Variants in GSE1 observed in about 807,000 individuals in gnomAD.
GSE1 encodes genetic suppressor element 1.
GSE1 carries 32 observed loss-of-function variants against 112.6 expected under a neutral mutation model. That is an observed-to-expected ratio of 0.28 (90% CI 0.21 to 0.38). The LOEUF (loss-of-function observed/expected upper bound fraction) is 0.38, where lower values mean the gene tolerates loss of function less well. Among genes scored for constraint, GSE1 ranks in the 10% least tolerant of loss-of-function variants. GSE1 has a pLI of 1.00. For missense variants in GSE1, 2,348 were observed against 1,699.2 expected, an observed-to-expected ratio of 1.38 and a Z score of -6.71; for synonymous variants, 1,115 against 735.6, an observed-to-expected ratio of 1.52 and a Z score of -8.35.
chr16:85,440,411 C>A (rs1488149477), intron 2 of GSE1, among the ~76,000 whole-genome samples: 1 of 152,264 alleles, frequency 6.6e-6, no homozygotes, highest in Non-Finnish European at 1.5e-5. Flanking sequence ...CACTTGCCAT[C>A]TGGGGGAGGC....
intron 2 of GSE1, among the ~76,000 whole-genome samples, chr16:85,432,701 C>T (rs1208286202): frequency 6.6e-6 from 1 of 152,186 alleles, no homozygotes; most frequent in Non-Finnish European, 1.5e-5. Flanking sequence ...CACTGTGTAT[C>T]AGGTGTTTTC....
chr16:85,204,661 C>T (rs1453770165), intron 1 of GSE1, among the ~76,000 whole-genome samples: 2 of 152,232 alleles, frequency 1.3e-5, no homozygotes, highest in Admixed American at 1.3e-4. Flanking sequence ...GAACTGTGGG[C>T]TTTCTGCCCG....
At chr16:85,660,993 G>C (rs1018212222) in intron 8 of GSE1, among the ~76,000 whole-genome samples, 153 bp from the exon 9 acceptor site, 1 of 152,196 alleles carries the variant, frequency 6.6e-6, no homozygotes, top group Non-Finnish European at 1.5e-5. Context: ...CCTTGGGGTG[G>C]AGTGTGTGTC....
At position 85,246,724 on chromosome 16, in the gene GSE1, T is replaced by TG. The variant is rs1387948709; in HGVS notation, c.2283+74923dup. On this transcript the variant is annotated intron_variant, in intron 1 of 2. Coordinates refer to the GSE1 transcript ENST00000637419. ...GAACCCTAGTGGACTAGAGAGGGCC[T>TG]GGGGGGCAGCCAAAGGCACTGTGCC... Among the ~76,000 whole-genome samples, 11 of 151,258 alleles carry TG rather than the reference T, an allele frequency of 7.3e-5. No individual in the cohort carries two copies. The East Asian group carries it at 2.2e-3, about 30-fold the overall frequency.
At position 85,507,315 on chromosome 16, in the gene GSE1, G is replaced by A. The variant is rs118034134; in HGVS notation, c.2465-126599G>A. 4.1e-4 allele frequency among the ~76,000 whole-genome samples: 63 copies of A among 152,262 alleles called. No individual in the cohort carries two copies. In the East Asian group the frequency reaches 7.9e-3, roughly 19 times the overall value. ...GTGGTATCCGGTTTGGAAACTGAGC[G>A]GGGGGCTGTGGTAGGCGACCCCACA... On this transcript the variant is annotated intron_variant, in intron 2 of 2. Transcript: ENST00000637419.
In GSE1 at chr16:85,385,170, G is replaced by A. The variant is rs899668921; in HGVS notation, c.2464+27527G>A. 3.9e-5 allele frequency among the ~76,000 whole-genome samples: 6 copies of A among 152,260 alleles called. No homozygotes were observed. The East Asian group carries it at 7.7e-4, about 20-fold the overall frequency. On this transcript the variant is annotated intron_variant, in intron 2 of 2. Coordinates refer to the GSE1 transcript ENST00000637419. ...CACATGGGGCTTGGGATGGGTGCCT[G>A]GGGCAGGGCACCCGCAGCAGGTGTT... is the stretch of plus-strand genomic sequence containing the variant.
intron 2 of GSE1, among the ~76,000 whole-genome samples, chr16:85,415,559 G>A (rs1320595958): frequency 2.0e-5 from 3 of 152,330 alleles, no homozygotes; most frequent in East Asian, 3.9e-4. Context: ...CTCAGCCCCC[G>A]TCCCCTACCA....
chr16:85,590,934 G>A (rs917157518), intron 1 of GSE1, among the ~76,000 whole-genome samples: 4 of 151,298 alleles, frequency 2.6e-5, no homozygotes, highest in Admixed American at 2.6e-4. Context: ...CTGACATGCG[G>A]TGGGGGGGAC....
intron 1 of GSE1, among the ~76,000 whole-genome samples, chr16:85,237,320 C>G (rs1904764144): frequency 6.6e-6 from 1 of 151,986 alleles, no homozygotes; most frequent in African/African-American, 2.4e-5. Context: ...AAGAGACTGT[C>G]TCAGAATAAA....
upstream of GSE1, among the ~76,000 whole-genome samples, chr16:85,609,521 C>G (rs753416796): frequency 1.3e-5 from 2 of 152,182 alleles, no homozygotes; most frequent in African/African-American, 4.8e-5. Context: ...AACCGCCCAC[C>G]CTCTGTGGTT....
rs1033416186 is a variant in GSE1 at position 85,251,398 on chromosome 16, C to T, written c.2283+79591C>T. Among the ~76,000 whole-genome samples the T allele has an allele frequency of 3.3e-5, 5 of 152,252 alleles. No individual in the cohort carries two copies. In the South Asian group the frequency reaches 6.2e-4, roughly 19 times the overall value. On this transcript the variant is annotated intron_variant, in intron 1 of 2. Transcript: ENST00000637419. ...GCCCAGGAAGCGCCGGGTGAGTGGGCGGCCATATGGCCTGGCACTCGCCAG... is the reference window on the plus strand; with the variant it reads ...GCCCAGGAAGCGCCGGGTGAGTGGGTGGCCATATGGCCTGGCACTCGCCAG...
rs182259418 is a variant in GSE1 at position 85,590,343 on chromosome 16, G to A, written c.37+33980G>A. Among the ~76,000 whole-genome samples, 406 of 149,642 alleles carry A rather than the reference G, an allele frequency of 2.7e-3. 9 individuals carry two copies. The highest frequency in any genetic ancestry group is 0.024 in the Admixed American group (366 of 15,006). ...GTGAATGTGAGTGTGTGTGATTAAC[G>A]CGTGGGCCTGCTTGTGAATGAGTGT... On this transcript the variant is annotated intron_variant, in intron 1 of 2. Transcript: ENST00000635906.
intron 1 of GSE1, among the ~76,000 whole-genome samples, chr16:85,613,611 C>T (rs1410640354): frequency 3.3e-5 from 5 of 150,830 alleles, no homozygotes; most frequent in African/African-American, 1.2e-4. Context: ...GGAGGCCTGG[C>T]TGCGGGCGGG....
intron 13 of GSE1, 146 bp downstream of exon 13, chr16:85,666,493 T>C (rs981972791): frequency 2.7e-6 from 2 of 739,476 alleles, no homozygotes; most frequent in East Asian, 2.6e-5. Context: ...TTCGTTATTA[T>C]GCCAAAACCA....
chr16:85,384,121 T>C (rs570882974), intron 2 of GSE1, among the ~76,000 whole-genome samples: 1 of 152,302 alleles, frequency 6.6e-6, no homozygotes, highest in South Asian at 2.1e-4. Flanking sequence ...GCACAATCAA[T>C]GCCACTCCCC....
chr16:85,659,642 C>G (rs114884679), intron 8 of GSE1: 1 of 152,248 alleles, frequency 6.6e-6, no homozygotes, highest in Admixed American at 6.5e-5. Flanking sequence ...AGCCACTGCA[C>G]TCCAGCCTGG....
At chr16:85,297,163 C>T (rs1347477761) in intron 1 of GSE1, among the ~76,000 whole-genome samples, 2 of 152,232 alleles carry the variant, frequency 1.3e-5, no homozygotes, top group Non-Finnish European at 2.9e-5. Context: ...CCAGGGTTGT[C>T]AGGAGACGGC....
intron 3 of GSE1, among the ~76,000 whole-genome samples, chr16:85,653,615 C>G (rs1435729784): frequency 6.6e-6 from 1 of 151,946 alleles, no homozygotes; most frequent in Non-Finnish European, 1.5e-5. Flanking sequence ...CTTCCCTGCC[C>G]CACCGTGTGT....
At chr16:85,618,013 C>A (rs570786978) in intron 1 of GSE1, among the ~76,000 whole-genome samples, 2 of 152,318 alleles carry the variant, frequency 1.3e-5, no homozygotes, top group East Asian at 1.9e-4. Context: ...TCATTCTTGC[C>A]TGGCCCAGGT....
Sources: allele counts gnomAD v4.1 joint callset (sites outside exome capture counted in the v4.1 genomes callset), GRCh38; gene constraint gnomAD v4.1.1; transcripts MANE v1.5; gene names NCBI Gene and HGNC (gene_info 2026-07-23, HGNC 2026-07-21).